POU6F2: variants seen among roughly 807,000 people sequenced by gnomAD.
POU6F2 encodes the protein POU domain, class 6, transcription factor 2.
A neutral mutation model predicts 71.3 loss-of-function variants in POU6F2; 31 were observed. That is an observed-to-expected ratio of 0.43 (90% CI 0.33 to 0.59). POU6F2 has a LOEUF of 0.59. Ranked by LOEUF, POU6F2 falls within the 20% of genes least tolerant of loss-of-function variation. The probability of loss-of-function intolerance (pLI) is 0.04; values close to 1 mark genes in which losing one functional copy is unlikely to be tolerated. For synonymous variants in POU6F2, 347 were observed against 355.7 expected, an observed-to-expected ratio of 0.98 and a Z score of 0.27; for missense variants, 783 against 856.8, an observed-to-expected ratio of 0.91 and a Z score of 1.07.
chr7:39,433,203 G>A lies in POU6F2; in HGVS notation c.1240G>A (p.Ala414Thr), dbSNP rs1350791890. 6 of 1,613,742 alleles carry A rather than the reference G, an allele frequency of 3.7e-6. No homozygotes were observed. Among genetic ancestry groups the A allele is most frequent in the African/African-American group, 2.7e-5 (2 of 74,968 alleles). The change falls in exon 7 of 10, where the codon GCC (alanine) becomes ACC (threonine). Residue 414 changes from alanine (A) to threonine (T), a missense_variant. Physicochemically the swap from Ala to Thr is moderately conservative, Grantham distance 58 (BLOSUM62 0). This residue lies in a region of POU6F2 where 572 missense variants were observed against 572.9 expected (regional missense o/e 1.00). Transcript: ENST00000518318. ...LLTNAQGQII[A>T]TVIGNQILPV... ...CACAAACGCCCAGGGCCAGATCATC[G>A]CCACAGTCATTGGGAACCAGATCCT...
chr7:39,248,612 A>G (rs1053308127), intron 4 of POU6F2, among the ~76,000 whole-genome samples: 3 of 152,206 alleles, frequency 2.0e-5, no homozygotes, highest in East Asian at 1.9e-4. Flanking sequence ...GGTAATTTTC[A>G]TGAAATACAC....
chr7:38,984,808 A>C (rs1014945108), intron 1 of POU6F2: 1 of 152,180 alleles, frequency 6.6e-6, no homozygotes, highest in Admixed American at 6.5e-5. Flanking sequence ...AACTATTTTT[A>C]GAAGAAAATA....
At chr7:39,171,514 C>T (rs1793218724) in intron 2 of POU6F2, among the ~76,000 whole-genome samples, 1 of 152,076 alleles carries the variant, frequency 6.6e-6, no homozygotes, top group Admixed American at 6.5e-5. Context: ...AAGCATCTCT[C>T]AGTATTGTCT....
At chr7:39,069,591 G>C (rs917794334) in intron 1 of POU6F2, among the ~76,000 whole-genome samples, 1 of 152,100 alleles carries the variant, frequency 6.6e-6, no homozygotes, top group African/African-American at 2.4e-5. Flanking sequence ...CCCCAAAAAC[G>C]TAACTGCCAA....
chr7:39,176,256 CTT>C (rs1002765046), intron 2 of POU6F2, among the ~76,000 whole-genome samples: 3 of 152,192 alleles, frequency 2.0e-5, no homozygotes, highest in African/African-American at 7.2e-5. Flanking sequence ...GTGCTTCTCT[CTT>C]TGTCAGAGAG....
intron 6 of POU6F2, among the ~76,000 whole-genome samples, chr7:39,407,403 C>T (rs1787457854): frequency 6.7e-6 from 1 of 150,092 alleles, no homozygotes; most frequent in Non-Finnish European, 1.5e-5. Flanking sequence ...GGTCTGTCCC[C>T]TCAACGCTGC....
intron 4 of POU6F2, among the ~76,000 whole-genome samples, chr7:39,316,963 G>C (rs1785280916): frequency 1.3e-5 from 2 of 152,176 alleles, no homozygotes; most frequent in African/African-American, 4.8e-5. Flanking sequence ...AACATAGCCT[G>C]AGATTAACAA....
At chr7:39,092,758 C>T (rs1334218807) in intron 2 of POU6F2, among the ~76,000 whole-genome samples, 2 of 152,140 alleles carry the variant, frequency 1.3e-5, no homozygotes, top group East Asian at 1.9e-4. Flanking sequence ...TGTTTGGAGA[C>T]ATCTCCTACT....
intron 4 of POU6F2, among the ~76,000 whole-genome samples, chr7:39,309,460 A>G (rs1403024025): frequency 6.6e-6 from 1 of 152,232 alleles, no homozygotes; most frequent in Non-Finnish European, 1.5e-5. Flanking sequence ...CCCTCAAATA[A>G]TGGCAATGGC....
intron 2 of POU6F2, among the ~76,000 whole-genome samples, chr7:39,129,601 A>T (rs1179570686): frequency 2.7e-5 from 4 of 150,668 alleles, no homozygotes; most frequent in Non-Finnish European, 4.4e-5. Context: ...TCATGTGTCC[A>T]GGTGGCTGAG....
chr7:39,040,718 A>T (rs1337793737), intron 1 of POU6F2, among the ~76,000 whole-genome samples: 1 of 151,964 alleles, frequency 6.6e-6, no homozygotes, highest in Non-Finnish European at 1.5e-5. Flanking sequence ...TAAAATATGT[A>T]AATCATAATT....
At chr7:39,235,322 T>C (rs1245480268) in intron 4 of POU6F2, among the ~76,000 whole-genome samples, 1 of 152,190 alleles carries the variant, frequency 6.6e-6, no homozygotes, top group African/African-American at 2.4e-5. Context: ...CTCCTGAATA[T>C]CAAGTACTGT....
chr7:39,078,408 T>C (rs1356324271), intron 1 of POU6F2, among the ~76,000 whole-genome samples: 1 of 152,124 alleles, frequency 6.6e-6, no homozygotes, highest in African/African-American at 2.4e-5. Flanking sequence ...AATACACATA[T>C]TTTGAATATG....
chr7:39,312,277 A>C (rs1785180575), intron 4 of POU6F2, among the ~76,000 whole-genome samples: 1 of 152,216 alleles, frequency 6.6e-6, no homozygotes, highest in Non-Finnish European at 1.5e-5. Flanking sequence ...TCTTTGCTAT[A>C]AGGCATGTTT....
intron 5 of POU6F2, 183 bp from the exon 6 acceptor site, chr7:39,406,417 G>A: frequency 1.6e-6 from 1 of 643,838 alleles, no homozygotes; most frequent in East Asian, 2.8e-5. Context: ...TTCCAGCCTC[G>A]TTTCCATCAT....
At chr7:39,400,254 A>G (rs891490122) in intron 5 of POU6F2, among the ~76,000 whole-genome samples, 3 of 152,202 alleles carry the variant, frequency 2.0e-5, no homozygotes, top group East Asian at 3.8e-4. Context: ...TCCTACCCCT[A>G]TTACTCAGAA....
intron 5 of POU6F2, among the ~76,000 whole-genome samples, chr7:39,361,613 G>A (rs760478205): frequency 1.3e-5 from 2 of 152,194 alleles, no homozygotes; most frequent in South Asian, 2.1e-4. Flanking sequence ...TCCTCCTAAT[G>A]TGTTAGTAAC....
chr7:39,236,373 T>A (rs981888431), intron 4 of POU6F2, among the ~76,000 whole-genome samples: 1 of 152,216 alleles, frequency 6.6e-6, no homozygotes, highest in Admixed American at 6.5e-5. Context: ...TTCCATGGCA[T>A]TGGTAATAAT....
At chr7:39,033,067 A>G (rs1789980985) in intron 1 of POU6F2, among the ~76,000 whole-genome samples, 1 of 152,220 alleles carries the variant, frequency 6.6e-6, no homozygotes, top group African/African-American at 2.4e-5. Context: ...TCTGCCCAGG[A>G]GCAAAAAGAA....
Sources: allele counts gnomAD v4.1 joint callset (sites outside exome capture counted in the v4.1 genomes callset), GRCh38; gene constraint gnomAD v4.1.1; regional missense constraint gnomAD v4.1.1; transcripts MANE v1.5; gene names NCBI Gene and HGNC (gene_info 2026-07-23, HGNC 2026-07-21).